Variants in ANO4 observed in about 807,000 individuals in gnomAD.
ANO4 encodes anoctamin 4.
A neutral mutation model predicts 141.9 loss-of-function variants in ANO4; 69 were observed. The observed-to-expected ratio is 0.49, with a 90% CI of 0.40 to 0.59. The LOEUF is 0.59. Ranked by LOEUF, ANO4 falls within the 20% of genes least tolerant of loss-of-function variation. The pLI is 0.00. For synonymous variants in ANO4, 350 were observed against 394.3 expected (o/e 0.89, Z 1.33); for missense variants, 894 against 1,162.2 (o/e 0.77, Z 3.36).
Position 100,718,421 on chromosome 12 carries a change from G to A in ANO4, c.22+874G>A, listed in dbSNP as rs557488268. Among the ~76,000 whole-genome samples the A allele has an allele frequency of 1.1e-4, 17 of 152,292 alleles. No individual in the cohort carries two copies. The South Asian group carries it at 3.3e-3, about 30-fold the overall frequency. On this transcript the variant is annotated intron_variant, in intron 1 of 29. Coordinates refer to the ANO4 transcript ENST00000644049. ...GTTGTTGCGATAAGATCTAGATTTG[G>A]CATTTTAAAGGGGAAAGCTGTGAGC...
intron 3 of ANO4, among the ~76,000 whole-genome samples, chr12:100,925,874 A>T (rs1220607978): frequency 3.3e-5 from 5 of 151,060 alleles, no homozygotes; most frequent in African/African-American, 1.2e-4. Flanking sequence ...TATATATGAG[A>T]CCTTCAAGAT....
At chr12:101,040,993 G>GTT (rs754053527) in intron 11 of ANO4, among the ~76,000 whole-genome samples, 1 of 151,386 alleles carries the variant, frequency 6.6e-6, no homozygotes, top group African/African-American at 2.4e-5. Context: ...ATATGTGTGT[G>GTT]TTTTTTTTTA....
At chr12:101,039,873 T>C in intron 10 of ANO4, 82 bp from the exon 11 acceptor site, 1 of 1,476,346 alleles carries the variant, frequency 6.8e-7, no homozygotes, top group Non-Finnish European at 9.2e-7. Flanking sequence ...CAACACCTGC[T>C]GTAAGACACT....
intron 1 of ANO4, among the ~76,000 whole-genome samples, chr12:100,864,042 CT>C (rs2038623131): frequency 6.6e-6 from 1 of 152,168 alleles, no homozygotes; most frequent in African/African-American, 2.4e-5. Flanking sequence ...TCTGGGTTGG[CT>C]TCCTTCTACA....
At chr12:100,783,049 C>T (rs1401222858) in intron 3 of ANO4, among the ~76,000 whole-genome samples, 4 of 152,186 alleles carry the variant, frequency 2.6e-5, no homozygotes, top group East Asian at 1.9e-4. Flanking sequence ...TTGGAGGCTT[C>T]TTCCTCCCTT....
At chr12:100,878,280 A>C (rs1308585974) in intron 1 of ANO4, among the ~76,000 whole-genome samples, 1 of 152,220 alleles carries the variant, frequency 6.6e-6, no homozygotes, top group Non-Finnish European at 1.5e-5. Context: ...GATATTGATG[A>C]AACTGAATTT....
chr12:100,762,569 A>T (rs1289337308), intron 3 of ANO4, among the ~76,000 whole-genome samples: 1 of 152,192 alleles, frequency 6.6e-6, no homozygotes, highest in African/African-American at 2.4e-5. Flanking sequence ...GAAAACCCAG[A>T]GACATGAGAA....
chr12:100,764,654 T>C (rs1403974482), intron 3 of ANO4, among the ~76,000 whole-genome samples: 1 of 152,174 alleles, frequency 6.6e-6, no homozygotes, highest in African/African-American at 2.4e-5. Flanking sequence ...GTTTTTACTT[T>C]ATACATAATC....
intron 1 of ANO4, among the ~76,000 whole-genome samples, chr12:100,896,884 T>C (rs2040378289): frequency 6.6e-6 from 1 of 152,248 alleles, no homozygotes; most frequent in African/African-American, 2.4e-5. Context: ...GCACCCATTA[T>C]GCTGGACATT....
intron 1 of ANO4, among the ~76,000 whole-genome samples, chr12:100,815,251 A>G (rs2035668948): frequency 6.6e-6 from 1 of 152,034 alleles, no homozygotes; most frequent in Non-Finnish European, 1.5e-5. Flanking sequence ...CTGAATTTAA[A>G]TCTCTCCCTG....
chr12:100,796,083 C>G (rs933864461), intron 1 of ANO4, among the ~76,000 whole-genome samples: 10 of 143,286 alleles, frequency 7.0e-5, no homozygotes, highest in African/African-American at 2.6e-4. Flanking sequence ...CTATTTTGGT[C>G]AAAGCATCAT....
intron 7 of ANO4, among the ~76,000 whole-genome samples, chr12:100,976,112 T>C (rs1002525095): frequency 2.6e-5 from 4 of 152,142 alleles, no homozygotes; most frequent in Non-Finnish European, 5.9e-5. Flanking sequence ...TTCAAAATCT[T>C]AATTGATCTT....
At chr12:101,031,639 ACT>A (rs2046980250) in intron 9 of ANO4, among the ~76,000 whole-genome samples, 1 of 152,116 alleles carries the variant, frequency 6.6e-6, no homozygotes, top group African/African-American at 2.4e-5. Context: ...TAGAAGTCAA[ACT>A]CTCTCTGTTT....
chr12:100,782,549 A>G (rs1168873338), intron 3 of ANO4, among the ~76,000 whole-genome samples: 1 of 152,128 alleles, frequency 6.6e-6, no homozygotes, highest in African/African-American at 2.4e-5. Flanking sequence ...TCATGGAGGC[A>G]TAATGAAGAG....
intron 2 of ANO4, among the ~76,000 whole-genome samples, chr12:100,737,474 A>T (rs7308993): frequency 0.23 from 34,906 of 152,072 alleles, 4,410 homozygotes; most frequent in East Asian, 0.47. Flanking sequence ...TTGACAAGGG[A>T]GATGGCATTA....
At chr12:100,731,750 T>C (rs545362732) in intron 1 of ANO4, among the ~76,000 whole-genome samples, 1 of 152,348 alleles carries the variant, frequency 6.6e-6, no homozygotes, top group East Asian at 1.9e-4. Context: ...CATAAAGAAT[T>C]TGGCCTTTTC....
intron 23 of ANO4, among the ~76,000 whole-genome samples, 185 bp downstream of exon 23, chr12:101,110,741 A>C (rs182745040): frequency 1.3e-5 from 2 of 152,320 alleles, no homozygotes; most frequent in East Asian, 3.9e-4. Flanking sequence ...CCTATTTGGA[A>C]GTTTATAATT....
intron 5 of ANO4, among the ~76,000 whole-genome samples, chr12:100,958,090 C>A (rs1444652504): frequency 3.9e-5 from 6 of 152,208 alleles, no homozygotes; most frequent in Non-Finnish European, 8.8e-5. Context: ...CTCACAAGCA[C>A]CTGAATTCTC....
At chr12:100,784,255 C>T (rs2033796055) in intron 3 of ANO4, among the ~76,000 whole-genome samples, 1 of 152,120 alleles carries the variant, frequency 6.6e-6, no homozygotes, top group Admixed American at 6.5e-5. Flanking sequence ...CTTCTTCTAC[C>T]TGCCAGAATC....
Sources: allele counts gnomAD v4.1 joint callset (sites outside exome capture counted in the v4.1 genomes callset), GRCh38; gene constraint gnomAD v4.1.1; transcripts MANE v1.5; gene names NCBI Gene and HGNC (gene_info 2026-07-23, HGNC 2026-07-21).